Variants in CRMP1 observed in about 807,000 individuals in gnomAD.
The protein encoded by CRMP1 is dihydropyrimidinase-related protein 1.
CRMP1 carries 19 observed loss-of-function variants against 68.3 expected under a neutral mutation model. That is an observed-to-expected ratio of 0.28 (90% CI 0.19 to 0.41). The LOEUF (loss-of-function observed/expected upper bound fraction) is 0.41. Among genes scored for constraint, CRMP1 ranks in the 10% least tolerant of loss-of-function variants. CRMP1 has a pLI of 1.00. For missense variants in CRMP1, 791 were observed against 967.4 expected, an observed-to-expected ratio of 0.82 and a Z score of 2.42; for synonymous variants, 439 against 399.6, an observed-to-expected ratio of 1.10 and a Z score of -1.18.
chr4:5,839,631 C>T lies in CRMP1; in HGVS notation c.1201G>A (p.Gly401Ser), dbSNP rs1387322876. Residue 401 changes from glycine (G) to serine (S), a missense_variant, in exon 9 of 14, where the codon GGC becomes AGC. This residue lies in a region of CRMP1 where 594 missense variants were observed against 763.6 expected (regional missense o/e 0.78). Coordinates refer to ENST00000324989, the MANE Select transcript of CRMP1 (RefSeq NM_001014809.3). ...CAGTTCTTGCTCCAGTAATGGGTGC[C>T]ATCGGTCCCCAGGCTGGCGGCAATG... ...EPIAASLGTD[G>S]THYWSKNWAK... 6.2e-7 allele frequency: 1 copy of T among 1,613,204 alleles called. No homozygotes were observed. Among genetic ancestry groups the T allele is most frequent in the South Asian group, 1.1e-5 (1 of 90,822 alleles).
Position 5,825,100 on chromosome 4 carries a change from G to A in CRMP1, c.1969+394C>T. On this transcript the variant is annotated intron_variant, in intron 13 of 13. Transcript: ENST00000324989. The surrounding 1 kb of genome is among the most constrained non-coding windows in gnomAD (Gnocchi z 4.4). ...TTAGTACACTGCAGTGGGTGAACAGGCTAAAGACTTACACAGAGCACATGC... is the reference window on the plus strand; with the variant it reads ...TTAGTACACTGCAGTGGGTGAACAGACTAAAGACTTACACAGAGCACATGC... 2 of 985,394 alleles carry A rather than the reference G, an allele frequency of 2.0e-6. No homozygotes were observed. Among genetic ancestry groups the A allele is most frequent in the Non-Finnish European group, 2.4e-6 (2 of 829,934 alleles). 61.0% of individuals were successfully genotyped at this position (985,394 alleles called of 1,614,324 possible).
intron 13 of CRMP1, among the ~76,000 whole-genome samples, chr4:5,823,757 C>T (rs1349943549): frequency 6.6e-6 from 1 of 152,176 alleles, no homozygotes; most frequent in Non-Finnish European, 1.5e-5. Flanking sequence ...ACGCTGGCAC[C>T]GTGCTGCTTG....
In CRMP1 at chr4:5,888,552, C is replaced by T. The variant is rs1256721360; in HGVS notation, c.381+4037G>A. ...GGGGGCTGCAGACAGCTCCTCCCGG[C>T]GGCGCGGAGCGAAGCCGGATTCGCC... On this transcript the variant is annotated intron_variant, in intron 1 of 13. Coordinates refer to ENST00000324989, the MANE Select transcript of CRMP1 (RefSeq NM_001014809.3). This position sits in a 1 kb window ranked among gnomAD's most constrained non-coding sequence, Gnocchi z 6.4. The T allele has an allele frequency of 5.3e-6, 6 of 1,137,434 alleles. No individual in the cohort carries two copies. Among genetic ancestry groups the T allele is most frequent in the East Asian group, 4.3e-5 (1 of 23,382 alleles). 70.5% of individuals were successfully genotyped at this position (1,137,434 alleles called of 1,614,324 possible). A position where few individuals can be genotyped will look rare whatever the true frequency, so the allele number is the denominator to read the frequency against.
In CRMP1 at chr4:5,821,356, TCA is replaced by T. The variant is rs943875310; in HGVS notation, c.*402_*403del. The T allele has an allele frequency of 5.4e-6, 1 of 184,154 alleles. No homozygotes were observed. Among genetic ancestry groups the T allele is most frequent in the African/African-American group, 2.3e-5 (1 of 43,494 alleles). The allele number at this position is 184,154 out of a possible 1,614,324, so 11.4% of individuals were successfully genotyped here. ...CTTGGCGATGTCCCCTCAGACGCAC[TCA>T]CAGACTTGCATACGTAATTTAGTAA... On this transcript the variant is annotated 3_prime_UTR_variant, in exon 14 of 14. Coordinates refer to ENST00000324989, the MANE Select transcript of CRMP1 (RefSeq NM_001014809.3). This position sits in a 1 kb window ranked among gnomAD's most constrained non-coding sequence, Gnocchi z 4.4.
chr4:5,824,818 C>G, intron 13 of CRMP1: 1 of 985,394 alleles, frequency 1.0e-6, no homozygotes, highest in Non-Finnish European at 1.2e-6. Flanking sequence ...AATTCCAGTT[C>G]AACTTTCTCA....
rs550149021 is a variant in CRMP1, at chr4:5,867,346, C to T, written c.382-590G>A. 2.0e-5 allele frequency among the ~76,000 whole-genome samples: 3 copies of T among 152,280 alleles called. No individual in the cohort carries two copies. In the East Asian group the frequency reaches 5.8e-4, roughly 29 times the overall value. ...CTGTCAGCATCTGCACTGGCCCCTC[C>T]TCCCTTTTCAATGTCATTCGTTTGT... On this transcript the variant is annotated intron_variant, in intron 1 of 13. Coordinates refer to ENST00000324989, the MANE Select transcript of CRMP1 (RefSeq NM_001014809.3).
chr4:5,857,740 A>G (rs962434459), intron 3 of CRMP1, among the ~76,000 whole-genome samples: 1 of 152,206 alleles, frequency 6.6e-6, no homozygotes, highest in Non-Finnish European at 1.5e-5. Context: ...CCTGTCAGAC[A>G]GTCTGAACTC....
In CRMP1 at chr4:5,821,531, T is replaced by G; in HGVS notation, c.*229A>C. The G allele has an allele frequency of 1.8e-6, 1 of 545,658 alleles. No homozygotes were observed. The highest frequency in any genetic ancestry group is 3.3e-6 in the Non-Finnish European group (1 of 304,630). 33.8% of individuals were successfully genotyped at this position (545,658 alleles called of 1,614,324 possible). The stretch of plus-strand genomic sequence containing the variant: ...CTAGGAAGGGGGAATGAAAACACCA[T>G]GCTCCGAGGTGGATTCAGCATGAAC... On this transcript the variant is annotated 3_prime_UTR_variant, in exon 14 of 14. Coordinates refer to ENST00000324989, the MANE Select transcript of CRMP1 (RefSeq NM_001014809.3). This position sits in a 1 kb window ranked among gnomAD's most constrained non-coding sequence, Gnocchi z 4.4.
At position 5,889,036 on chromosome 4, in the gene CRMP1, T is replaced by C. The variant is rs1235919745; in HGVS notation, c.381+3553A>G. Among the ~76,000 whole-genome samples the C allele has an allele frequency of 1.3e-5, 2 of 151,910 alleles. No individual in the cohort carries two copies. Among genetic ancestry groups the C allele is most frequent in the Non-Finnish European group, 2.9e-5 (2 of 67,988 alleles). ...AAGCCTTTATTCACGCTGTACCCTC[T>C]CCCTGAATAGTCTACCCCAGACAAA... On this transcript the variant is annotated intron_variant, in intron 1 of 13. Transcript: ENST00000324989. This position sits in a 1 kb window ranked among gnomAD's most constrained non-coding sequence, Gnocchi z 4.5.
chr4:5,828,276 A>G, intron 12 of CRMP1: 3 of 985,426 alleles, frequency 3.0e-6, no homozygotes, highest in Admixed American at 6.1e-5. Context: ...TACAGTTTGC[A>G]AAGCCCTGGA....
At position 5,821,907 on chromosome 4, in the gene CRMP1, T is replaced by G. The variant is rs906240804; in HGVS notation, c.1970-56A>C. 114 of 1,343,448 alleles carry G rather than the reference T, an allele frequency of 8.5e-5. No individual in the cohort carries two copies. Among genetic ancestry groups the G allele is most frequent in the Non-Finnish European group, 1.1e-4 (107 of 1,001,408 alleles). The allele number at this position is 1,343,448 out of a possible 1,614,324, so 83.2% of individuals were successfully genotyped here. ...GGATCTGTTAGCATCAGTTCCACGC[T>G]GCTCCTGGAGGCCATGTACTCTGCC... is the stretch of plus-strand genomic sequence containing the variant. On this transcript the variant is annotated intron_variant, in intron 13 of 13. Coordinates refer to ENST00000324989, the MANE Select transcript of CRMP1 (RefSeq NM_001014809.3). The surrounding 1 kb of genome is among the most constrained non-coding windows in gnomAD (Gnocchi z 4.4).
rs1560478715 is a variant in CRMP1 at position 5,825,949 on chromosome 4, T to TATGCATGCACATGCAGTCATGCACACAC, written c.1804-291_1804-290insGTGTGTGCATGACTGCATGTGCATGCAT. On this transcript the variant is annotated intron_variant, in intron 12 of 13. Coordinates refer to ENST00000324989, the MANE Select transcript of CRMP1 (RefSeq NM_001014809.3). This position sits in a 1 kb window ranked among gnomAD's most constrained non-coding sequence, Gnocchi z 4.4. ...TCACATACATGCAGTCATGCACACA[T>TATGCATGCACATGCAGTCATGCACACAC]ATATGCATGCACATGCAGTAACAAA... 4.5e-5 allele frequency: 20 copies of TATGCATGCACATGCAGTCATGCACACAC among 448,366 alleles called. No homozygotes were observed. The highest frequency in any genetic ancestry group is 1.3e-4 in the African/African-American group (6 of 47,928). 27.8% of individuals were successfully genotyped at this position (448,366 alleles called of 1,614,324 possible).
chr4:5,881,700 A>C lies in CRMP1; in HGVS notation c.381+10889T>G, dbSNP rs1487177835. ...TTGTGAATACTCAGGGCTCCACCTG[A>C]GAGATGCTACAATAATTTGTAGACT... On this transcript the variant is annotated intron_variant, in intron 1 of 13. Transcript: ENST00000324989. The surrounding 1 kb of genome is among the most constrained non-coding windows in gnomAD (Gnocchi z 4.6). 1.3e-5 allele frequency among the ~76,000 whole-genome samples: 2 copies of C among 152,190 alleles called. No homozygotes were observed. The highest frequency in any genetic ancestry group is 4.8e-5 in the African/African-American group (2 of 41,446).
intron 1 of CRMP1, among the ~76,000 whole-genome samples, chr4:5,867,923 C>T (rs75826057): frequency 0.02 from 3,084 of 152,158 alleles, 39 homozygotes; most frequent in African/African-American, 0.039. Flanking sequence ...CACACACACA[C>T]ACACAGGATT....
At chr4:5,823,266 T>A (rs1438947939) in intron 13 of CRMP1, among the ~76,000 whole-genome samples, 1 of 152,192 alleles carries the variant, frequency 6.6e-6, no homozygotes, top group African/African-American at 2.4e-5. Flanking sequence ...CCACTAAGAA[T>A]TTGGTTCACA....
At chr4:5,862,147 G>A (rs185957128) in intron 2 of CRMP1, among the ~76,000 whole-genome samples, 28 of 152,224 alleles carry the variant, frequency 1.8e-4, no homozygotes, top group African/African-American at 6.5e-4. Flanking sequence ...GGGACAAGGT[G>A]GACACCCAGA....
rs1716012013 is a variant in CRMP1 at position 5,892,770 on chromosome 4, G to T, written c.200C>A (p.Ala67Asp). ...CAGCCCGACCGCGTCGGGCCGGCCA[G>T]CGCTGCGCGGCGTGCGCGCCGAGCC... ...RRGSARTPRS[A>D]GRPDAVGLPG... Residue 67 changes from alanine (A) to aspartate (D), a missense_variant, in exon 1 of 14, where the codon GCT (alanine) becomes GAT (aspartate). Transcript: ENST00000324989. This position sits in a 1 kb window ranked among gnomAD's most constrained non-coding sequence, Gnocchi z 8.6. 1.6e-6 allele frequency: 2 copies of T among 1,280,652 alleles called. No individual in the cohort carries two copies. Among genetic ancestry groups the T allele is most frequent in the African/African-American group, 3.1e-5 (2 of 63,724 alleles). 79.3% of individuals were successfully genotyped at this position (1,280,652 alleles called of 1,614,324 possible).
In CRMP1 at chr4:5,828,662, C is replaced by G. The variant is rs760073922; in HGVS notation, c.1630G>C (p.Glu544Gln). Residue 544 changes from glutamate (E) to glutamine (Q), a missense_variant, in exon 12 of 14, where the codon GAG becomes CAG. Coordinates refer to ENST00000324989, the MANE Select transcript of CRMP1 (RefSeq NM_001014809.3). ...TCCATACCCTCGAAGATGTTGTACT[C>G]CACCGCCTGCACCAACAGCCTCAGT... The part of the protein sequence containing the change: ...ITAKSHKSAV[E>Q]YNIFEGMECH... The G allele has an allele frequency of 1.2e-6, 2 of 1,613,598 alleles. No individual in the cohort carries two copies. Among genetic ancestry groups the G allele is most frequent in the Non-Finnish European group, 1.7e-6 (2 of 1,179,542 alleles).
At chr4:5,868,261 CTATATA>C (rs60816757) in intron 1 of CRMP1, among the ~76,000 whole-genome samples, 2,035 of 111,302 alleles carry the variant, frequency 0.018, 12 homozygotes, top group Admixed American at 0.037. Context: ...GACTATATAT[CTATATA>C]TATATATATA....
Sources: allele counts gnomAD v4.1 joint callset (sites outside exome capture counted in the v4.1 genomes callset), GRCh38; gene constraint gnomAD v4.1.1; regional missense constraint gnomAD v4.1.1; non-coding constraint Gnocchi (gnomAD v3.1); transcripts MANE v1.5; gene names NCBI Gene and HGNC (gene_info 2026-07-23, HGNC 2026-07-21).